Variants in MMD2 observed in about 807,000 individuals in gnomAD.
MMD2 encodes the protein monocyte to macrophage differentiation associated 2.
Under a neutral mutation model 33.5 loss-of-function variants are expected in MMD2, and 30 were observed. That is an observed-to-expected ratio of 0.90 (90% CI 0.67 to 1.22). The LOEUF is 1.22. MMD2 is among the 50% of genes most tolerant of loss of function. The pLI is 0.00. For synonymous variants in MMD2, 129 were observed against 123.0 expected, an observed-to-expected ratio of 1.05 and a Z score of -0.32; for missense variants, 364 against 325.4, an observed-to-expected ratio of 1.12 and a Z score of -0.91.
rs192996121 is a variant in MMD2 at position 4,942,822 on chromosome 7, A to C, written c.47+16149T>G. Among the ~76,000 whole-genome samples, 68 of 150,392 alleles carry C rather than the reference A, an allele frequency of 4.5e-4. No homozygotes were observed. The East Asian group carries it at 0.013, about 29-fold the overall frequency. On this transcript the variant is annotated intron_variant, in intron 1 of 6. Transcript: ENST00000401401. Reference sequence around the variant, plus strand: ...AGTAGAGACAGGGTTTCACCATGTTAGTCAGGCTGGTCTTGAACTTCTGAC... The same window carrying C: ...AGTAGAGACAGGGTTTCACCATGTTCGTCAGGCTGGTCTTGAACTTCTGAC...
chr7:4,903,049 C>G (rs1784815429), downstream of MMD2, among the ~76,000 whole-genome samples: 1 of 152,168 alleles, frequency 6.6e-6, no homozygotes. Flanking sequence ...ACCAGCCTGG[C>G]CAACATGGTG....
chr7:4,911,299 C>T (rs796870844), intron 4 of MMD2, 53 bp from the exon 5 acceptor site: 62 of 1,449,386 alleles, frequency 4.3e-5, no homozygotes, highest in African/African-American at 4.2e-5. Context: ...ACCAGGACCC[C>T]GGCCCTCGAG....
chr7:4,900,722 C>T, the MMD2 span, among the ~76,000 whole-genome samples: 1 of 152,108 alleles, frequency 6.6e-6, no homozygotes. Context: ...CCCCCCACAA[C>T]CCATATCCCC....
intron 1 of MMD2, among the ~76,000 whole-genome samples, chr7:4,930,031 A>T (rs1030893589): frequency 1.3e-5 from 2 of 151,442 alleles, no homozygotes; most frequent in African/African-American, 4.8e-5. Flanking sequence ...GCACTTTGGG[A>T]GGCCGAGGCG....
At chr7:4,917,189 G>A (rs1483418835) in intron 3 of MMD2, among the ~76,000 whole-genome samples, 1 of 150,896 alleles carries the variant, frequency 6.6e-6, no homozygotes, top group East Asian at 2.0e-4. Context: ...AAAAGGCCTG[G>A]GTTCGAATTC....
chr7:4,907,223 T>C lies in MMD2; in HGVS notation c.*173A>G. ...TCTGTAAGAATGGCTAAATGCTTTC[T>C]TTCTCGCTGGGGACTCGAGGGATGA... On this transcript the variant is annotated 3_prime_UTR_variant, in exon 7 of 7. Coordinates refer to ENST00000401401, the MANE Select transcript of MMD2 (RefSeq NM_198403.4). The C allele has an allele frequency of 1.6e-6, 1 of 625,056 alleles. No individual in the cohort carries two copies. The highest frequency in any genetic ancestry group is 2.9e-6 in the Non-Finnish European group (1 of 350,722). 38.7% of individuals were successfully genotyped at this position (625,056 alleles called of 1,614,324 possible).
intron 1 of MMD2, among the ~76,000 whole-genome samples, chr7:4,953,475 C>G (rs1219446943): frequency 4.2e-5 from 6 of 141,280 alleles, no homozygotes; most frequent in Non-Finnish European, 7.6e-5. Context: ...GATTCAGTCT[C>G]TTTTTTTTTT....
chr7:4,938,228 C>A (rs561257660), intron 1 of MMD2, among the ~76,000 whole-genome samples: 22 of 151,922 alleles, frequency 1.4e-4, no homozygotes, highest in Non-Finnish European at 2.6e-4. Context: ...TCAGGCTGGT[C>A]TCAAACTCCT....
Position 4,906,225 on chromosome 7 carries a change from C to G in MMD2, c.*1171G>C. ...GAGCTGGGCCTGCTACTCACCTCCCCAGTAAATGTCCAGGCAGCATTGGAC... is the reference window on the plus strand; with the variant it reads ...GAGCTGGGCCTGCTACTCACCTCCCGAGTAAATGTCCAGGCAGCATTGGAC... On this transcript the variant is annotated 3_prime_UTR_variant, in exon 7 of 7. Transcript: ENST00000401401. 1 of 354,338 alleles carries G rather than the reference C, an allele frequency of 2.8e-6. No homozygotes were observed. The allele number at this position is 354,338 out of a possible 1,614,324, so 21.9% of individuals were successfully genotyped here. A position where few individuals can be genotyped will look rare whatever the true frequency, so the allele number is the denominator to read the frequency against.
At chr7:4,945,281 CT>C (rs1230164654) in intron 1 of MMD2, among the ~76,000 whole-genome samples, 2 of 80,112 alleles carry the variant, frequency 2.5e-5, no homozygotes, top group African/African-American at 4.8e-5. Flanking sequence ...CTTTTTTTTT[CT>C]TTTTTTGAGA....
chr7:4,955,747 G>C (rs1183140358), intron 1 of MMD2, among the ~76,000 whole-genome samples: 1 of 152,068 alleles, frequency 6.6e-6, no homozygotes, highest in Non-Finnish European at 1.5e-5. Context: ...ATTAAACTGA[G>C]TGTCTACTAG....
In MMD2 at chr7:4,928,288, T is replaced by C. The variant is rs144912896; in HGVS notation, c.48-2756A>G. ...GTATATATGGGTCACTAAGCATTTATTGGGCACTTTCTGTATGCTGGCGTC... is the reference window on the plus strand; with the variant it reads ...GTATATATGGGTCACTAAGCATTTACTGGGCACTTTCTGTATGCTGGCGTC... On this transcript the variant is annotated intron_variant, in intron 1 of 6. Transcript: ENST00000401401. 2.0e-3 allele frequency among the ~76,000 whole-genome samples: 299 copies of C among 152,290 alleles called. 2 individuals carry two copies. Among genetic ancestry groups the C allele is most frequent in the African/African-American group, 6.4e-3 (265 of 41,570 alleles).
At chr7:4,902,487 T>G (rs1471927556), downstream of MMD2, among the ~76,000 whole-genome samples, 1 of 152,134 alleles carries the variant, frequency 6.6e-6, no homozygotes, top group Non-Finnish European at 1.5e-5. Context: ...AAATTATCCT[T>G]ACCCCACGGG....
intron 1 of MMD2, among the ~76,000 whole-genome samples, chr7:4,956,362 G>C (rs190112869): frequency 2.2e-3 from 328 of 152,012 alleles, no homozygotes; most frequent in Middle Eastern, 0.01. Context: ...GGAGTTTGAG[G>C]CTGCAGTGAG....
chr7:4,910,687 G>A lies in MMD2; in HGVS notation c.467+458C>T, dbSNP rs112598025. 8.7e-3 allele frequency among the ~76,000 whole-genome samples: 1,316 copies of A among 152,070 alleles called. 23 individuals carry two copies. The highest frequency in any genetic ancestry group is 0.03 in the African/African-American group (1,258 of 41,488). ...TCTGTCGCCCAGGCTGGAGCGCAGT[G>A]GCACGCTCTCAGCTTGCTGCAACCT... On this transcript the variant is annotated intron_variant, in intron 5 of 6. Coordinates refer to ENST00000401401, the MANE Select transcript of MMD2 (RefSeq NM_198403.4).
Position 4,938,572 on chromosome 7 carries a change from C to T in MMD2, c.48-13040G>A, listed in dbSNP as rs1053968384. On this transcript the variant is annotated intron_variant, in intron 1 of 6. Coordinates refer to ENST00000401401, the MANE Select transcript of MMD2 (RefSeq NM_198403.4). ...CAATACCACAGTCAAATTTCCCACC[C>T]TCTTAATACTGTTACAACGGGGATC... 2.0e-5 allele frequency among the ~76,000 whole-genome samples: 3 copies of T among 152,288 alleles called. No homozygotes were observed. In the South Asian group the frequency reaches 6.2e-4, roughly 32 times the overall value.
chr7:4,914,541 G>A (rs1785093811), intron 4 of MMD2, among the ~76,000 whole-genome samples: 1 of 152,188 alleles, frequency 6.6e-6, no homozygotes, highest in African/African-American at 2.4e-5. Flanking sequence ...AAGAGAGGGA[G>A]CTGGGGGTTT....
At chr7:4,915,885 A>G (rs1449034768) in intron 4 of MMD2, 120 bp downstream of exon 4, 2 of 886,298 alleles carry the variant, frequency 2.3e-6, no homozygotes, top group Non-Finnish European at 3.4e-6. Flanking sequence ...GGTGGCGGGA[A>G]GCTTTTAACC....
At chr7:4,935,697 ACC>A (rs1256052522) in intron 1 of MMD2, among the ~76,000 whole-genome samples, 167 of 126,530 alleles carry the variant, frequency 1.3e-3, no homozygotes, top group South Asian at 3.8e-3. Flanking sequence ...AAAAAAAAAA[ACC>A]AAAAAAATTG....
Sources: allele counts gnomAD v4.1 joint callset (sites outside exome capture counted in the v4.1 genomes callset), GRCh38; gene constraint gnomAD v4.1.1; transcripts MANE v1.5; gene names NCBI Gene and HGNC (gene_info 2026-07-23, HGNC 2026-07-21).